The following EXOC4 variants were observed in gnomAD, a reference collection of about 807,000 sequenced individuals.
EXOC4 encodes exocyst complex component 4, also known as SEC8-like 1.
Under a neutral mutation model 107.2 loss-of-function variants are expected in EXOC4, and 71 were observed. The observed-to-expected ratio is 0.66, with a 90% CI of 0.55 to 0.81. The LOEUF is 0.81. Ranked by LOEUF, EXOC4 falls within the 30% of genes least tolerant of loss-of-function variation. EXOC4 has a pLI of 0.00. For synonymous variants in EXOC4, 456 were observed against 441.2 expected (o/e 1.03, Z -0.42); for missense variants, 1,108 against 1,189.6 (o/e 0.93, Z 1.01).
chr7:133,722,534 C>T (rs1433282920), intron 10 of EXOC4, among the ~76,000 whole-genome samples: 6 of 152,118 alleles, frequency 3.9e-5, no homozygotes, highest in Admixed American at 3.3e-4. Flanking sequence ...CTATCAGTAG[C>T]CAATTTGGAA....
chr7:133,725,448 T>C (rs1055723366), intron 10 of EXOC4, among the ~76,000 whole-genome samples: 2 of 152,232 alleles, frequency 1.3e-5, no homozygotes, highest in East Asian at 3.9e-4. Context: ...CGATCTCAGC[T>C]CACTGAAACC....
chr7:133,543,209 A>C (rs1029506841), intron 9 of EXOC4, among the ~76,000 whole-genome samples: 2 of 152,086 alleles, frequency 1.3e-5, no homozygotes, highest in Non-Finnish European at 2.9e-5. Context: ...TACTTTGTGT[A>C]TAAGTTGAGT....
intron 14 of EXOC4, among the ~76,000 whole-genome samples, chr7:133,992,475 GTTT>G (rs1794286583): frequency 6.6e-6 from 1 of 151,758 alleles, no homozygotes; most frequent in South Asian, 2.1e-4. Context: ...TAAAGACAGG[GTTT>G]CACTATGTTG....
intron 6 of EXOC4, among the ~76,000 whole-genome samples, chr7:133,359,132 A>G (rs1796086332): frequency 6.6e-6 from 1 of 152,192 alleles, no homozygotes; most frequent in Non-Finnish European, 1.5e-5. Flanking sequence ...TTTAGAGTAA[A>G]CCACTTTGTT....
intron 7 of EXOC4, among the ~76,000 whole-genome samples, chr7:133,444,286 C>G (rs1798168754): frequency 6.6e-6 from 1 of 152,162 alleles, no homozygotes; most frequent in African/African-American, 2.4e-5. Context: ...GCAAGTGGGG[C>G]TTGGCGTTTT....
At chr7:134,057,773 A>C (rs1349215758) in intron 17 of EXOC4, among the ~76,000 whole-genome samples, 5 of 152,090 alleles carry the variant, frequency 3.3e-5, no homozygotes, top group African/African-American at 1.2e-4. Context: ...TTGAAGGACC[A>C]AGCAGGGGAC....
intron 10 of EXOC4, among the ~76,000 whole-genome samples, chr7:133,683,512 T>C (rs1474638838): frequency 6.6e-6 from 1 of 152,208 alleles, no homozygotes; most frequent in Non-Finnish European, 1.5e-5. Flanking sequence ...CTAATATCTG[T>C]ATCTTTTGAA....
rs1797396324 is a variant in EXOC4 at position 133,817,344 on chromosome 7, CATG to C, written c.1535_1537del (p.His512_Ala513delinsPro). 1.9e-6 allele frequency: 3 copies of C among 1,613,498 alleles called. No homozygotes were observed. Among genetic ancestry groups the C allele is most frequent in the Non-Finnish European group, 2.5e-6 (3 of 1,179,506 alleles). On this transcript the variant is annotated inframe_deletion, in exon 11 of 18. Transcript: ENST00000253861. The stretch of plus-strand genomic sequence containing the variant: ...CTCCAGATTTATTCAGGAGATTGAG[CATG>C]CTCTGGGTCTTGGCCCAGCCAAACA...
At chr7:133,314,560 C>T (rs1431618008) in intron 4 of EXOC4, among the ~76,000 whole-genome samples, 1 of 152,074 alleles carries the variant, frequency 6.6e-6, no homozygotes, top group African/African-American at 2.4e-5. Context: ...GTTTATCACC[C>T]TAAATTTAAC....
intron 3 of EXOC4, among the ~76,000 whole-genome samples, chr7:133,302,458 T>A (rs1794661417): frequency 6.6e-6 from 1 of 152,208 alleles, no homozygotes; most frequent in African/African-American, 2.4e-5. Flanking sequence ...TCTATATATA[T>A]GAAGAATTCT....
At chr7:133,391,832 G>T (rs1476387027) in intron 7 of EXOC4, among the ~76,000 whole-genome samples, 1 of 152,142 alleles carries the variant, frequency 6.6e-6, no homozygotes, top group East Asian at 1.9e-4. Context: ...CATTGGCAGT[G>T]CTTGCTATAA....
intron 10 of EXOC4, among the ~76,000 whole-genome samples, chr7:133,777,349 A>T (rs1293986961): frequency 6.6e-6 from 1 of 151,944 alleles, no homozygotes; most frequent in Non-Finnish European, 1.5e-5. Flanking sequence ...ATTAAATGTG[A>T]TTGTACTAGA....
intron 14 of EXOC4, among the ~76,000 whole-genome samples, chr7:133,988,282 G>A (rs1055590658): frequency 2.0e-5 from 3 of 152,154 alleles, no homozygotes; most frequent in Non-Finnish European, 2.9e-5. Context: ...AGGCTATAAT[G>A]AACTACTTCC....
chr7:134,021,493 T>G (rs1795026785), intron 17 of EXOC4, among the ~76,000 whole-genome samples: 2 of 152,156 alleles, frequency 1.3e-5, no homozygotes, highest in African/African-American at 4.8e-5. Flanking sequence ...CTGCTTTAGC[T>G]CTTCATCTCC....
intron 11 of EXOC4, among the ~76,000 whole-genome samples, chr7:133,859,680 G>C (rs1017752343): frequency 6.6e-6 from 1 of 152,104 alleles, no homozygotes; most frequent in Non-Finnish European, 1.5e-5. Context: ...ATTGGTTTTG[G>C]CTTTTTTAGA....
At chr7:133,448,023 C>A (rs964362918) in intron 7 of EXOC4, among the ~76,000 whole-genome samples, 1 of 152,124 alleles carries the variant, frequency 6.6e-6, no homozygotes, top group African/African-American at 2.4e-5. Context: ...AATAGTTGAG[C>A]CACTATTAGT....
intron 7 of EXOC4, among the ~76,000 whole-genome samples, chr7:133,438,333 T>TATATTTAA (rs1798023468): frequency 1.3e-5 from 2 of 152,336 alleles, no homozygotes; most frequent in Admixed American, 6.5e-5. Flanking sequence ...TTTGTACATT[T>TATATTTAA]ATATTTAAAT....
chr7:133,791,687 G>A (rs760396648), intron 10 of EXOC4, among the ~76,000 whole-genome samples: 10 of 152,138 alleles, frequency 6.6e-5, no homozygotes, highest in Admixed American at 6.5e-5. Flanking sequence ...CTAGGTTCCC[G>A]AAAACTTAAG....
intron 7 of EXOC4, among the ~76,000 whole-genome samples, chr7:133,461,525 C>T (rs984521803): frequency 7.2e-5 from 11 of 152,164 alleles, no homozygotes; most frequent in Non-Finnish European, 2.9e-5. Flanking sequence ...AGTAACTGAA[C>T]TGCTAATTGA....
Sources: allele counts gnomAD v4.1 joint callset (sites outside exome capture counted in the v4.1 genomes callset), GRCh38; gene constraint gnomAD v4.1.1; transcripts MANE v1.5; gene names NCBI Gene and HGNC (gene_info 2026-07-23, HGNC 2026-07-21).